The following NEDD4 variants were observed in gnomAD, a reference collection of about 807,000 sequenced individuals.
The protein encoded by NEDD4 is NEDD4 E3 ubiquitin protein ligase.
In NEDD4, 99 loss-of-function variants were observed where a neutral mutation model predicts 144.9. The ratio of observed to expected loss-of-function variants is 0.68; its 90% CI spans 0.58 to 0.81. The LOEUF is 0.81. NEDD4 is among the 30% of genes least tolerant of loss of function. The pLI, the probability that NEDD4 is intolerant of heterozygous loss-of-function variation, is 0.00. For missense variants in NEDD4, 985 were observed against 1,065.9 expected (o/e 0.92, Z 1.06); for synonymous variants, 318 against 350.6 (o/e 0.91, Z 1.04).
At chr15:55,921,792 C>T (rs1290048678) in intron 5 of NEDD4, among the ~76,000 whole-genome samples, 1 of 152,098 alleles carries the variant, frequency 6.6e-6, no homozygotes, top group Non-Finnish European at 1.5e-5. Flanking sequence ...ATTATATACA[C>T]AGTAAATGCT....
chr15:55,921,598 C>A (rs1343977900), intron 5 of NEDD4, among the ~76,000 whole-genome samples: 2 of 152,098 alleles, frequency 1.3e-5, no homozygotes, highest in Non-Finnish European at 2.9e-5. Flanking sequence ...CTGATCCACC[C>A]GCCTCAGCCT....
chr15:55,984,507 CT>C lies in NEDD4; in HGVS notation c.45+9003del, dbSNP rs1269294602. Reference sequence around the variant, plus strand: ...GGCAGTTGCTATTTATTTAGGTTGACTCTTTTTCCCAAAGGAGAATACTTTC... The same window carrying C: ...GGCAGTTGCTATTTATTTAGGTTGACCTTTTTCCCAAAGGAGAATACTTTC... On this transcript the variant is annotated intron_variant, in intron 1 of 28. Coordinates refer to ENST00000435532, the MANE Select transcript of NEDD4 (RefSeq NM_006154.4). Among the ~76,000 whole-genome samples the C allele has an allele frequency of 2.0e-5, 3 of 152,190 alleles. No individual in the cohort carries two copies. In the East Asian group the frequency reaches 5.8e-4, roughly 29 times the overall value.
Position 55,934,413 on chromosome 15 carries a change from C to T in NEDD4, c.238-9714G>A, listed in dbSNP as rs139123211. On this transcript the variant is annotated intron_variant, in intron 4 of 28. Coordinates refer to ENST00000435532, the MANE Select transcript of NEDD4 (RefSeq NM_006154.4). ...TTGACTATTATGAATAATGCTGCTA[C>T]GAACATTGGTGCGCAAGTTTTCTGT... Among the ~76,000 whole-genome samples the T allele has an allele frequency of 7.5e-3, 1,136 of 152,136 alleles. 16 individuals carry two copies. Among genetic ancestry groups the T allele is most frequent in the African/African-American group, 0.026 (1,092 of 41,508 alleles).
intron 17 of NEDD4, among the ~76,000 whole-genome samples, chr15:55,847,465 T>C (rs1595742692): frequency 6.6e-6 from 1 of 152,086 alleles, no homozygotes; most frequent in East Asian, 1.9e-4. Flanking sequence ...AGACAGTAAA[T>C]AGTAATAAAA....
chr15:55,847,415 A>G (rs1346469412), intron 17 of NEDD4, among the ~76,000 whole-genome samples: 1 of 152,198 alleles, frequency 6.6e-6, no homozygotes, highest in African/African-American at 2.4e-5. Context: ...CTTGAACTCC[A>G]AGGAGTTGCC....
intron 7 of NEDD4, 29 bp from the exon 8 acceptor site, chr15:55,869,710 A>G: frequency 7.4e-7 from 1 of 1,346,732 alleles, no homozygotes. Flanking sequence ...ATATTCATAA[A>G]ACTTTAACAC....
At chr15:55,944,651 G>A (rs1259257493) in intron 4 of NEDD4, among the ~76,000 whole-genome samples, 4 of 152,156 alleles carry the variant, frequency 2.6e-5, no homozygotes, top group African/African-American at 9.7e-5. Context: ...CCCAGCATGG[G>A]ATTTGAGCTC....
chr15:55,915,346 C>T, intron 5 of NEDD4: 1 of 1,612,888 alleles, frequency 6.2e-7, no homozygotes, highest in Non-Finnish European at 8.5e-7. Context: ...AAATTATCCA[C>T]TTTACCTTCA....
intron 11 of NEDD4, among the ~76,000 whole-genome samples, 160 bp from the exon 12 acceptor site, chr15:55,856,356 G>A (rs1382852968): frequency 6.6e-6 from 1 of 152,118 alleles, no homozygotes; most frequent in Non-Finnish European, 1.5e-5. Context: ...GTCGCTCTCA[G>A]CCCCCTACGT....
intron 5 of NEDD4, among the ~76,000 whole-genome samples, chr15:55,883,423 C>T (rs572645535): frequency 3.9e-5 from 6 of 152,250 alleles, no homozygotes; most frequent in East Asian, 1.9e-4. Flanking sequence ...GACTTCTAGA[C>T]GGCATCTCTG....
chr15:55,927,586 GA>G (rs1279433546), intron 4 of NEDD4, among the ~76,000 whole-genome samples: 2 of 152,170 alleles, frequency 1.3e-5, no homozygotes, highest in Non-Finnish European at 1.5e-5. Flanking sequence ...ACACTGGCAA[GA>G]AAAGTTTGGT....
At chr15:55,872,388 T>G in intron 7 of NEDD4, 27 bp downstream of exon 7, 1 of 1,154,634 alleles carries the variant, frequency 8.7e-7, no homozygotes, top group Non-Finnish European at 1.2e-6. Context: ...AAATTTAATA[T>G]GCTATTATTA....
chr15:55,830,021 G>T, intron 28 of NEDD4, 22 bp from the exon 29 acceptor site: 1 of 1,557,624 alleles, frequency 6.4e-7, no homozygotes, highest in Non-Finnish European at 8.8e-7. Flanking sequence ...GAGAGGAAGT[G>T]GTTATGAAAG....
In NEDD4 at chr15:55,979,694, A is replaced by G. The variant is rs2142353635; in HGVS notation, c.46-13148T>C. ...AAACATTTTGTAAATTTTACATTCTATTTTTTCTTTAAAGAAAGTTCTGTC... is the reference window on the plus strand; with the variant it reads ...AAACATTTTGTAAATTTTACATTCTGTTTTTTCTTTAAAGAAAGTTCTGTC... On this transcript the variant is annotated intron_variant, in intron 1 of 28. Coordinates refer to ENST00000435532, the MANE Select transcript of NEDD4 (RefSeq NM_006154.4). 1.3e-5 allele frequency among the ~76,000 whole-genome samples: 2 copies of G among 151,898 alleles called. 1 individual carries two copies. The highest frequency in any genetic ancestry group is 4.1e-4 in the South Asian group (2 of 4,824).
At chr15:55,936,846 A>G (rs1292709114) in intron 4 of NEDD4, among the ~76,000 whole-genome samples, 1 of 150,978 alleles carries the variant, frequency 6.6e-6, no homozygotes, top group Non-Finnish European at 1.5e-5. Context: ...AGGCTGGAGC[A>G]CAATGGTGTG....
chr15:55,923,407 G>T (rs1476152296), intron 5 of NEDD4, among the ~76,000 whole-genome samples: 2 of 151,724 alleles, frequency 1.3e-5, no homozygotes, highest in Non-Finnish European at 2.9e-5. Context: ...CAGCACTTTG[G>T]GAGTCAGAGG....
Position 55,829,869 on chromosome 15 carries a change from A to G in NEDD4, c.*28T>C. 2 of 1,564,930 alleles carry G rather than the reference A, an allele frequency of 1.3e-6. No individual in the cohort carries two copies. Among genetic ancestry groups the G allele is most frequent in the South Asian group, 2.3e-5 (2 of 85,912 alleles). Reference sequence around the variant, plus strand: ...ATTTTGGTTATAAAACTATGGCAGTAAAAACACTACAGATTGTTATTTGTA... The same window carrying G: ...ATTTTGGTTATAAAACTATGGCAGTGAAAACACTACAGATTGTTATTTGTA... On this transcript the variant is annotated 3_prime_UTR_variant, in exon 29 of 29. Transcript: ENST00000435532.
At chr15:55,948,832 AC>A (rs2037175458) in intron 4 of NEDD4, among the ~76,000 whole-genome samples, 1 of 152,236 alleles carries the variant, frequency 6.6e-6, no homozygotes, top group Admixed American at 6.5e-5. Flanking sequence ...TAAACGTTAG[AC>A]CTAAAACCAT....
chr15:55,942,018 G>T (rs146591156), intron 4 of NEDD4, among the ~76,000 whole-genome samples: 38 of 152,072 alleles, frequency 2.5e-4, no homozygotes, highest in African/African-American at 8.2e-4. Context: ...TGTCAAACAG[G>T]TTAACATGAT....
Sources: allele counts gnomAD v4.1 joint callset (sites outside exome capture counted in the v4.1 genomes callset), GRCh38; gene constraint gnomAD v4.1.1; transcripts MANE v1.5; gene names NCBI Gene and HGNC (gene_info 2026-07-23, HGNC 2026-07-21).